The following IRAK1 variants were observed in gnomAD, a reference collection of about 807,000 sequenced individuals.
IRAK1 encodes interleukin 1 receptor associated kinase 1, also known as interleukin-1 receptor-associated kinase 1.
A neutral mutation model predicts 49.8 loss-of-function variants in IRAK1; 9 were observed. That is an observed-to-expected ratio of 0.18 (90% CI 0.11 to 0.32). The LOEUF (loss-of-function observed/expected upper bound fraction) is 0.32. Ranked by LOEUF, IRAK1 falls within the 10% of genes least tolerant of loss-of-function variation. The pLI, the probability that IRAK1 is intolerant of heterozygous loss-of-function variation, is 1.00. For synonymous variants in IRAK1, 282 were observed against 270.8 expected, an observed-to-expected ratio of 1.04 and a Z score of -0.41; for missense variants, 418 against 600.5, an observed-to-expected ratio of 0.70 and a Z score of 3.18.
At position 154,019,375 on chromosome X, in the gene IRAK1, G is replaced by A. The variant is rs1216851614; in HGVS notation, c.305-47C>T. The A allele has an allele frequency of 3.7e-5, 42 of 1,122,934 alleles. No individual in the cohort carries two copies. The Admixed American group carries it at 1.0e-3, about 28-fold the overall frequency. 92.5% of individuals were successfully genotyped at this position (1,122,934 alleles called of 1,213,427 possible). A position where few individuals can be genotyped will look rare whatever the true frequency, so the allele number is the denominator to read the frequency against. ...GGAAGGTTGAGGCCCGGGTGGGGGA[G>A]CCCCGTGGGGCCCGCCGGCCTCCCA... On this transcript the variant is annotated intron_variant, in intron 2 of 13. Transcript: ENST00000369980.
In IRAK1 at chrX:154,010,897, C is replaced by T. The variant is rs782065577; in HGVS notation, c.*962G>A. 309 of 335,588 alleles carry T rather than the reference C, an allele frequency of 9.2e-4. No homozygotes were observed. Among genetic ancestry groups the T allele is most frequent in the Non-Finnish European group, 1.4e-3 (233 of 167,307 alleles). 27.7% of individuals were successfully genotyped at this position (335,588 alleles called of 1,213,427 possible). On this transcript the variant is annotated 3_prime_UTR_variant, in exon 14 of 14. Transcript: ENST00000369980. ...CCGAAGCCTGACCTGGCTCGGAGCT[C>T]GTCTGTGGCGCCCAGGGATGGCCTG...
chrX:154,017,854 G>C (rs782411843), intron 7 of IRAK1, 152 bp downstream of exon 7: 86 of 406,935 alleles, frequency 2.1e-4, no homozygotes, highest in African/African-American at 2.1e-3. Context: ...CAAATCCTGA[G>C]CCGGGTGCTG....
rs782144624 is a variant in IRAK1, at chrX:154,013,252, G to A, written c.1721C>T (p.Ala574Val). ...LAAPSGASAQ[A>V]AEQLQRGPNQ... ...GGGGCCTCTCTGCAGCTGCTCTGCT[G>A]CCTGGGCACTGGCTCCTGATGGCGC... Residue 574 changes from alanine (A) to valine (V), a missense_variant, in exon 12 of 14, where the codon GCA (alanine) becomes GTA (valine). Physicochemically the swap from Ala to Val is moderately conservative, Grantham distance 64 (BLOSUM62 0). This residue lies in a region of IRAK1 where 377 missense variants were observed against 499.5 expected (regional missense o/e 0.75). Transcript: ENST00000369980. The A allele has an allele frequency of 5.8e-6, 7 of 1,209,578 alleles. No individual in the cohort carries two copies. The African/African-American group carries it at 1.2e-4, about 21-fold the overall frequency.
chrX:154,013,999 G>C, intron 11 of IRAK1, 43 bp downstream of exon 11: 1 of 1,184,100 alleles, frequency 8.4e-7, no homozygotes, highest in Non-Finnish European at 1.1e-6. Context: ...CTGGAATGCG[G>C]GCTTTCTATC....
chrX:154,018,310 C>T lies in IRAK1; in HGVS notation c.775G>A (p.Glu259Lys). The T allele has an allele frequency of 2.6e-6, 3 of 1,166,137 alleles. No homozygotes were observed. Among genetic ancestry groups the T allele is most frequent in the Non-Finnish European group, 2.3e-6 (2 of 871,306 alleles). ...CCTCACCTGGACAGCTGCTCCACCT[C>T]GGTCAGGAAGCTCTGCTTCACTGCA... ...WTAVKQSFLTEVEQLSRFRHP... is the reference protein window; with the variant it reads ...WTAVKQSFLTKVEQLSRFRHP... The change falls in exon 6 of 14, where the codon GAG (glutamate) becomes AAG (lysine). Residue 259 changes from glutamate (E) to lysine (K), a missense_variant. Physicochemically the swap from Glu to Lys is moderately conservative, Grantham distance 56 (BLOSUM62 1). This residue lies in a region of IRAK1 where 377 missense variants were observed against 499.5 expected (regional missense o/e 0.75). Coordinates refer to ENST00000369980, the MANE Select transcript of IRAK1 (RefSeq NM_001569.4).
chrX:154,017,968 T>C, intron 7 of IRAK1, 38 bp downstream of exon 7: 1 of 1,031,250 alleles, frequency 9.7e-7, no homozygotes, highest in Non-Finnish European at 1.4e-6. Context: ...CAGGAGTGCT[T>C]TGGGTCCTGG....
In IRAK1 at chrX:154,019,546, C is replaced by T; in HGVS notation, c.189G>A (p.Gly63=). 1 of 1,172,838 alleles carries T rather than the reference C, an allele frequency of 8.5e-7. No individual in the cohort carries two copies. Among genetic ancestry groups the T allele is most frequent in the African/African-American group, 1.8e-5 (1 of 55,907 alleles). ...QTELRLCERS[G]QRTASVLWPW... Reference sequence around the variant, plus strand: ...GCCACAGGACGCTGGCCGTGCGCTGCCCGGAGCGCTCGCACAGCCGCAGCT... The same window carrying T: ...GCCACAGGACGCTGGCCGTGCGCTGTCCGGAGCGCTCGCACAGCCGCAGCT... The change falls in exon 2 of 14, where the codon GGG becomes GGA. Residue 63 remains glycine (G), a synonymous_variant. Coordinates refer to ENST00000369980, the MANE Select transcript of IRAK1 (RefSeq NM_001569.4).
rs1168161534 is a variant in IRAK1 at position 154,019,420 on chromosome X, C to A, written c.304+11G>T. On this transcript the variant is annotated intron_variant, in intron 2 of 13. Coordinates refer to ENST00000369980, the MANE Select transcript of IRAK1 (RefSeq NM_001569.4). ...CTCCCAGCCGTGGGGTGCCCGGAGT[C>A]CCGCGCTCACAGGCTGTGATGATGT... 1.8e-6 allele frequency: 2 copies of A among 1,111,971 alleles called. No individual in the cohort carries two copies. The highest frequency in any genetic ancestry group is 2.4e-6 in the Non-Finnish European group (2 of 831,162). 91.6% of individuals were successfully genotyped at this position (1,111,971 alleles called of 1,213,427 possible). A position where few individuals can be genotyped will look rare whatever the true frequency, so the allele number is the denominator to read the frequency against.
At chrX:154,015,364 G>T (rs2065731781) in intron 10 of IRAK1, among the ~76,000 whole-genome samples, 1 of 112,664 alleles carries the variant, frequency 8.9e-6, no homozygotes, top group Non-Finnish European at 1.9e-5. Context: ...GAGGGCTCAA[G>T]CCCGGCTCCT....
intron 10 of IRAK1, among the ~76,000 whole-genome samples, chrX:154,015,292 A>AC (rs1206616884): frequency 8.9e-6 from 1 of 111,872 alleles, no homozygotes; most frequent in East Asian, 2.8e-4. Context: ...AGGACCCCCA[A>AC]GGAGCCTGGT....
rs782095517 is a variant in IRAK1, at chrX:154,018,744, G to A, written c.584C>T (p.Pro195Leu). The A allele has an allele frequency of 2.0e-6, 2 of 978,625 alleles. No homozygotes were observed. The highest frequency in any genetic ancestry group is 2.9e-6 in the Non-Finnish European group (2 of 682,622). 80.6% of individuals were successfully genotyped at this position (978,625 alleles called of 1,213,427 possible). ...ACAGAGGGGCCAGCAAAACGGAAAG[G>A]GGCGGGCTCCCTGCAGGAGGGACAC... ...SSVSLLQGAR[P>L]FPFCWPLCEI... The change falls in exon 5 of 14, where the codon CCC becomes CTC. Residue 195 changes from proline (P) to leucine (L), a missense_variant. Transcript: ENST00000369980.
rs960757017 is a variant in IRAK1 at position 154,016,674 on chromosome X, C to T, written c.1029-30G>A. 1.2e-5 allele frequency: 13 copies of T among 1,121,370 alleles called. No individual in the cohort carries two copies. The Admixed American group carries it at 1.3e-4, about 11-fold the overall frequency. The allele number at this position is 1,121,370 out of a possible 1,213,427, so 92.4% of individuals were successfully genotyped here. ...GGGAGAGAAGACAGTGGCGTCAGCC[C>T]GGTCCTAGCTCCTACACCTGCCCGG... On this transcript the variant is annotated intron_variant, in intron 8 of 13. Transcript: ENST00000369980.
intron 9 of IRAK1, 62 bp from the exon 10 acceptor site, chrX:154,016,159 G>A: frequency 2.1e-6 from 2 of 974,910 alleles, no homozygotes; most frequent in South Asian, 3.9e-5. Flanking sequence ...CCTCTGGTGT[G>A]GACATGGATT....
chrX:154,019,377 C>T, intron 2 of IRAK1, 49 bp from the exon 3 acceptor site: 3 of 1,126,150 alleles, frequency 2.7e-6, no homozygotes, highest in Non-Finnish European at 3.5e-6. Context: ...GTGGGGGAGC[C>T]CCGTGGGGCC....
At chrX:154,015,853 G>T (rs2065735308) in intron 10 of IRAK1, among the ~76,000 whole-genome samples, 179 bp downstream of exon 10, 1 of 112,700 alleles carries the variant, frequency 8.9e-6, no homozygotes, top group Non-Finnish European at 1.9e-5. Flanking sequence ...GGACAGACAG[G>T]TTTGTCCTCG....
rs1557130090 is a variant in IRAK1 at position 154,018,340 on chromosome X, A to G, written c.745T>C (p.Trp249Arg). 3 of 1,166,048 alleles carry G rather than the reference A, an allele frequency of 2.6e-6. No individual in the cohort carries two copies. Among genetic ancestry groups the G allele is most frequent in the Non-Finnish European group, 3.4e-6 (3 of 871,057 alleles). ...KRLKENADLE[W>R]TAVKQSFLTE... ...AGGAAGCTCTGCTTCACTGCAGTCCACTCCAGGTCAGCGTTCTGCAGCCCC... is the reference window on the plus strand; with the variant it reads ...AGGAAGCTCTGCTTCACTGCAGTCCGCTCCAGGTCAGCGTTCTGCAGCCCC... The change falls in exon 6 of 14, where the codon TGG (tryptophan) becomes CGG (arginine). Residue 249 changes from tryptophan to arginine, a missense_variant. This residue lies in a region of IRAK1 where 377 missense variants were observed against 499.5 expected (regional missense o/e 0.75). Transcript: ENST00000369980.
intron 10 of IRAK1, among the ~76,000 whole-genome samples, chrX:154,014,713 C>G (rs958253123): frequency 9.0e-6 from 1 of 111,696 alleles, no homozygotes; most frequent in East Asian, 2.8e-4. Context: ...TCTCCAACTC[C>G]CAGGCTCAAG....
chrX:154,017,418 C>T (rs192847736), intron 7 of IRAK1, among the ~76,000 whole-genome samples: 43 of 112,305 alleles, frequency 3.8e-4, no homozygotes, highest in African/African-American at 1.2e-3. Flanking sequence ...AGCCCCAGAC[C>T]CCCTCGCCTC....
At position 154,011,829 on chromosome X, in the gene IRAK1, G is replaced by A. The variant is rs3027901; in HGVS notation, c.*30C>T. On this transcript the variant is annotated 3_prime_UTR_variant, in exon 14 of 14. Transcript: ENST00000369980. ...TCTGACCATGAGAACTTTGACTTCCGGATTTGGGGGATCTGCCCAGGTGAA... is the reference window on the plus strand; with the variant it reads ...TCTGACCATGAGAACTTTGACTTCCAGATTTGGGGGATCTGCCCAGGTGAA... The A allele has an allele frequency of 4.0e-3, 4,720 of 1,191,887 alleles. 125 individuals carry two copies. The African/African-American group carries it at 0.071, about 18-fold the overall frequency.
Sources: allele counts gnomAD v4.1 joint callset (sites outside exome capture counted in the v4.1 genomes callset), GRCh38; gene constraint gnomAD v4.1.1; regional missense constraint gnomAD v4.1.1; transcripts MANE v1.5; gene names NCBI Gene and HGNC (gene_info 2026-07-23, HGNC 2026-07-21).